RICTOR: variants seen among roughly 807,000 people sequenced by gnomAD.
RICTOR encodes rapamycin-insensitive companion of mTOR.
RICTOR carries 49 observed loss-of-function variants against 214.9 expected under a neutral mutation model. The observed-to-expected ratio is 0.23, with a 90% confidence interval of 0.18 to 0.29. RICTOR has a LOEUF of 0.29. RICTOR is among the 10% of genes least tolerant of loss of function. The pLI is 1.00. For synonymous variants in RICTOR, 717 were observed against 711.3 expected, an observed-to-expected ratio of 1.01 and a Z score of -0.13; for missense variants, 1,625 against 2,047.0, an observed-to-expected ratio of 0.79 and a Z score of 3.98.
At chr5:39,019,227 G>A (rs1755203696) in intron 3 of RICTOR, among the ~76,000 whole-genome samples, 1 of 152,170 alleles carries the variant, frequency 6.6e-6, no homozygotes, top group Non-Finnish European at 1.5e-5. Flanking sequence ...GCTGCAACAA[G>A]TTATCCAGCA....
chr5:39,037,315 G>T (rs1756793595), intron 2 of RICTOR, among the ~76,000 whole-genome samples: 1 of 151,810 alleles, frequency 6.6e-6, no homozygotes, highest in African/African-American at 2.4e-5. Flanking sequence ...CACATTCAAA[G>T]CAGTGTGTAG....
At chr5:38,991,211 T>C (rs1752750830) in intron 6 of RICTOR, 136 bp from the exon 7 acceptor site, 1 of 472,342 alleles carries the variant, frequency 2.1e-6, no homozygotes, top group Non-Finnish European at 3.7e-6. Flanking sequence ...CTTTTGCTTA[T>C]GGATATTTCA....
chr5:38,984,913 G>A (rs12654031), intron 7 of RICTOR, among the ~76,000 whole-genome samples: 58,387 of 151,872 alleles, frequency 0.38, 11,628 homozygotes, highest in East Asian at 0.6. Context: ...TCCGCCTCCC[G>A]GGTTCAAGCG....
intron 3 of RICTOR, among the ~76,000 whole-genome samples, chr5:39,004,803 T>TG (rs1291343645): frequency 7.9e-6 from 1 of 126,984 alleles, no homozygotes; most frequent in East Asian, 2.4e-4. Context: ...TTTTTTGAGA[T>TG]GGAGTTTCAT....
Position 38,950,540 on chromosome 5 carries a change from G to A in RICTOR, c.3308C>T (p.Thr1103Ile), listed in dbSNP as rs376977796. The change falls in exon 31 of 38, where the codon ACT becomes ATT. Residue 1103 changes from threonine (T) to isoleucine (I), a missense_variant. Physicochemically the swap from Thr to Ile is moderately conservative, Grantham distance 89. Transcript: ENST00000357387. The stretch of plus-strand genomic sequence containing the variant: ...ACTACGATGTTTTTTGTTAGGCAAA[G>A]TAAGCGAATTTAAGATACGATTCTT... Reference protein sequence around the residue: ...LVKNRILNSLTLPNKKHRSSS... With the variant: ...LVKNRILNSLILPNKKHRSSS... 1 of 1,613,170 alleles carries A rather than the reference G, an allele frequency of 6.2e-7. No homozygotes were observed. Among genetic ancestry groups the A allele is most frequent in the East Asian group, 2.2e-5 (1 of 44,856 alleles).
chr5:38,975,738 AGAT>A, intron 9 of RICTOR, 134 bp from the exon 10 acceptor site: 2 of 488,200 alleles, frequency 4.1e-6, no homozygotes, highest in Non-Finnish European at 7.0e-6. Context: ...AACAAGACAA[AGAT>A]CAGATCTACA....
chr5:39,021,252 C>T, intron 2 of RICTOR, 116 bp from the exon 3 acceptor site: 1 of 692,740 alleles, frequency 1.4e-6, no homozygotes. Context: ...AAGTCTTACC[C>T]TCCACCCCAA....
chr5:39,060,501 C>T (rs938177062), intron 2 of RICTOR, among the ~76,000 whole-genome samples: 10 of 151,914 alleles, frequency 6.6e-5, no homozygotes, highest in African/African-American at 1.4e-4. Context: ...ATCAAAAGAG[C>T]GGTGAGGTAT....
chr5:39,012,226 T>C (rs1171986700), intron 3 of RICTOR, among the ~76,000 whole-genome samples: 1 of 152,134 alleles, frequency 6.6e-6, no homozygotes, highest in Non-Finnish European at 1.5e-5. Context: ...CCTTAAAAAG[T>C]CCTCTGAGAG....
At chr5:39,035,418 T>C (rs993993306) in intron 2 of RICTOR, among the ~76,000 whole-genome samples, 5 of 152,102 alleles carry the variant, frequency 3.3e-5, no homozygotes, top group African/African-American at 1.2e-4. Context: ...AGAGCACCTC[T>C]CACCCTCCAA....
chr5:38,983,186 G>T (rs1751866173), intron 7 of RICTOR, among the ~76,000 whole-genome samples: 2 of 152,110 alleles, frequency 1.3e-5, no homozygotes, highest in Admixed American at 1.3e-4. Flanking sequence ...GAACCAATTT[G>T]ACAAATTCAA....
In RICTOR at chr5:38,972,886, GAAC is replaced by G. The variant is rs1242681456; in HGVS notation, c.890-930_890-928del. Reference sequence around the variant, plus strand: ...AACAGAAGGGCAAAAAAAAAAAAAAGAACAACAAAAACTGAAATGTTCATTGCA... The same window carrying G: ...AACAGAAGGGCAAAAAAAAAAAAAAGAACAAAAACTGAAATGTTCATTGCA... On this transcript the variant is annotated intron_variant, in intron 10 of 37. Coordinates refer to ENST00000357387, the MANE Select transcript of RICTOR (RefSeq NM_152756.5). Among the ~76,000 whole-genome samples, 390 of 140,038 alleles carry G rather than the reference GAAC, an allele frequency of 2.8e-3. 1 individual carries two copies. The highest frequency in any genetic ancestry group is 9.8e-3 in the African/African-American group (371 of 38,014). The allele number at this position is 140,038 out of a possible 152,430, so 91.9% of individuals were successfully genotyped here. A position where few individuals can be genotyped will look rare whatever the true frequency, so the allele number is the denominator to read the frequency against.
intron 6 of RICTOR, among the ~76,000 whole-genome samples, chr5:38,994,425 A>AC: frequency 4.4e-5 from 2 of 45,530 alleles, no homozygotes; most frequent in East Asian, 1.3e-3. Context: ...TTACTAAAAA[A>AC]AAAAAAAAAA....
chr5:38,955,937 G>T (rs10060761), intron 25 of RICTOR, among the ~76,000 whole-genome samples: 147,079 of 152,110 alleles, frequency 0.97, 71,159 homozygotes, highest in East Asian at 0.99. Context: ...AAGCCATCAC[G>T]TGGTTACTGC....
chr5:38,973,494 A>T (rs1408555313), intron 10 of RICTOR, among the ~76,000 whole-genome samples: 1 of 152,194 alleles, frequency 6.6e-6, no homozygotes, highest in African/African-American at 2.4e-5. Flanking sequence ...TTCACTGTAT[A>T]GTTTTTTCAA....
At chr5:39,069,170 T>C (rs983101600) in intron 2 of RICTOR, among the ~76,000 whole-genome samples, 3 of 152,190 alleles carry the variant, frequency 2.0e-5, no homozygotes, top group Admixed American at 2.0e-4. Flanking sequence ...TTTAAGAAAT[T>C]ATTTTCAGTA....
At chr5:38,980,994 C>T (rs1003636009) in intron 8 of RICTOR, 1 of 152,166 alleles carries the variant, frequency 6.6e-6, no homozygotes, top group Admixed American at 6.5e-5. Context: ...TTTATTCCCA[C>T]AGGATTCCAA....
rs116917143 is a variant in RICTOR at position 38,990,400 on chromosome 5, G to A, written c.583+549C>T. 3.5e-3 allele frequency among the ~76,000 whole-genome samples: 532 copies of A among 151,620 alleles called. 11 individuals are homozygous for A. In the East Asian group the frequency reaches 0.05, roughly 14 times the overall value. On this transcript the variant is annotated intron_variant, in intron 7 of 37. Coordinates refer to ENST00000357387, the MANE Select transcript of RICTOR (RefSeq NM_152756.5). ...CCTAATGTAGATGACAAGTTGATGCGTACAGCAAACCACCATGGCATATGT... is the reference window on the plus strand; with the variant it reads ...CCTAATGTAGATGACAAGTTGATGCATACAGCAAACCACCATGGCATATGT...
At chr5:39,027,930 T>C (rs1375564019) in intron 2 of RICTOR, among the ~76,000 whole-genome samples, 3 of 152,036 alleles carry the variant, frequency 2.0e-5, no homozygotes, top group Admixed American at 6.6e-5. Flanking sequence ...ATAACCAATA[T>C]ATGACTATCA....
Sources: gnomAD v4.1 joint callset for allele counts (sites outside exome capture counted in the v4.1 genomes callset) on GRCh38, gnomAD v4.1.1 for gene constraint, MANE v1.5 for transcripts, NCBI Gene and HGNC (gene_info 2026-07-23, HGNC 2026-07-21) for gene names.